The following NEK11 variants were observed in gnomAD, a reference collection of about 807,000 sequenced individuals.
The protein encoded by NEK11 is serine/threonine-protein kinase Nek11.
Under a neutral mutation model 80.7 loss-of-function variants are expected in NEK11, and 72 were observed. The observed-to-expected ratio is 0.89, with a 90% CI of 0.74 to 1.08. The LOEUF (loss-of-function observed/expected upper bound fraction) is 1.08, where lower values mean the gene tolerates loss of function less well. Among genes scored for constraint, NEK11 ranks in the 50% least tolerant of loss-of-function variants. The pLI is 0.00. For synonymous variants in NEK11, 251 were observed against 260.7 expected, an observed-to-expected ratio of 0.96 and a Z score of 0.36; for missense variants, 764 against 763.6, an observed-to-expected ratio of 1.00 and a Z score of -0.01.
At chr3:131,187,281 T>C (rs2093636531) in intron 14 of NEK11, among the ~76,000 whole-genome samples, 1 of 152,198 alleles carries the variant, frequency 6.6e-6, no homozygotes, top group African/African-American at 2.4e-5. Flanking sequence ...AGCATACTTC[T>C]AGAACATTGC....
intron 14 of NEK11, among the ~76,000 whole-genome samples, chr3:131,203,991 A>G (rs1451605850): frequency 6.6e-6 from 1 of 151,612 alleles, no homozygotes; most frequent in Non-Finnish European, 1.5e-5. Flanking sequence ...GTCCTGTTTC[A>G]TTCCCTGGAG....
intron 5 of NEK11, among the ~76,000 whole-genome samples, chr3:131,113,193 A>T (rs2080413434): frequency 6.6e-6 from 1 of 152,160 alleles, no homozygotes; most frequent in African/African-American, 2.4e-5. Context: ...TTGTGCCTGG[A>T]TGAATGAGAA....
At chr3:131,276,314 A>G (rs530414553) in intron 17 of NEK11, among the ~76,000 whole-genome samples, 123 of 152,316 alleles carry the variant, frequency 8.1e-4, no homozygotes, top group Non-Finnish European at 1.5e-3. Context: ...TGTAGAAAGG[A>G]GGAGGAAGGA....
At chr3:131,183,649 T>G (rs1579758360) in intron 14 of NEK11, among the ~76,000 whole-genome samples, 1 of 152,216 alleles carries the variant, frequency 6.6e-6, no homozygotes. Flanking sequence ...TATTCCATGG[T>G]GTATATGTAT....
At chr3:131,147,742 G>A (rs1489734677) in intron 7 of NEK11, among the ~76,000 whole-genome samples, 1 of 151,992 alleles carries the variant, frequency 6.6e-6, no homozygotes, top group Non-Finnish European at 1.5e-5. Context: ...AATTCTAACA[G>A]TTTGTCAGGT....
chr3:131,122,636 C>T (rs1560513955), intron 5 of NEK11, among the ~76,000 whole-genome samples: 3 of 152,176 alleles, frequency 2.0e-5, no homozygotes, highest in Admixed American at 6.5e-5. Context: ...CCCTGAGAAC[C>T]TGCTAGATGA....
At chr3:131,054,331 A>G (rs2068964750) in intron 3 of NEK11, 1 of 150,806 alleles carries the variant, frequency 6.6e-6, no homozygotes, top group Non-Finnish European at 1.5e-5. Context: ...GTCTCAAAGA[A>G]AAAAAAAAAG....
intron 14 of NEK11, among the ~76,000 whole-genome samples, chr3:131,217,834 A>G (rs2094893673): frequency 6.6e-6 from 1 of 152,200 alleles, no homozygotes; most frequent in South Asian, 2.1e-4. Flanking sequence ...GAATCTTTCT[A>G]CCTACTAAAT....
chr3:131,158,173 G>C (rs1461629639), intron 10 of NEK11, among the ~76,000 whole-genome samples: 2 of 152,028 alleles, frequency 1.3e-5, no homozygotes, highest in Non-Finnish European at 2.9e-5. Context: ...GGGTGTCTTG[G>C]GGGTCTACAT....
intron 3 of NEK11, among the ~76,000 whole-genome samples, chr3:131,071,709 G>A (rs9862411): frequency 0.91 from 138,303 of 152,108 alleles, 63,407 homozygotes; most frequent in Non-Finnish European, 0.95. Flanking sequence ...TTAGTCATTT[G>A]TCCCCCAGTT....
chr3:131,299,117 G>C (rs1486507204), intron 17 of NEK11, among the ~76,000 whole-genome samples: 2 of 151,922 alleles, frequency 1.3e-5, no homozygotes, highest in East Asian at 3.9e-4. Flanking sequence ...TACATGTGCA[G>C]GTTTGTTATA....
intron 15 of NEK11, among the ~76,000 whole-genome samples, chr3:131,242,618 A>G (rs1448659551): frequency 6.6e-6 from 1 of 152,128 alleles, no homozygotes; most frequent in Non-Finnish European, 1.5e-5. Flanking sequence ...GGGTTTGACC[A>G]TGTTGGCCAG....
intron 3 of NEK11, among the ~76,000 whole-genome samples, chr3:131,030,946 C>T (rs1338570773): frequency 6.6e-6 from 1 of 152,132 alleles, no homozygotes; most frequent in African/African-American, 2.4e-5. Flanking sequence ...AAGAATGATC[C>T]AAGATATCAG....
chr3:131,145,511 C>T (rs2087989510), intron 7 of NEK11, among the ~76,000 whole-genome samples: 1 of 152,046 alleles, frequency 6.6e-6, no homozygotes, highest in Admixed American at 6.5e-5. Context: ...TGGTGTGACG[C>T]CCTGCATAGC....
At chr3:131,184,892 C>T (rs2093533983) in intron 14 of NEK11, 2 of 307,312 alleles carry the variant, frequency 6.5e-6, no homozygotes, top group Non-Finnish European at 1.2e-5. Context: ...ATGGTTTGTT[C>T]TTCTGCAGTA....
At chr3:131,346,750 A>G (rs1003532841) in intron 17 of NEK11, among the ~76,000 whole-genome samples, 1 of 152,156 alleles carries the variant, frequency 6.6e-6, no homozygotes, top group Non-Finnish European at 1.5e-5. Context: ...GAAGTGGAAG[A>G]TTAGCTGGTA....
chr3:131,128,284 C>T (rs2083725293), intron 5 of NEK11, among the ~76,000 whole-genome samples: 1 of 152,224 alleles, frequency 6.6e-6, no homozygotes, highest in South Asian at 2.1e-4. Flanking sequence ...TGTTGCATGG[C>T]CCTAAAAATT....
chr3:131,043,623 C>A (rs188586373), intron 3 of NEK11, among the ~76,000 whole-genome samples: 23 of 152,166 alleles, frequency 1.5e-4, no homozygotes, highest in Admixed American at 9.8e-4. Context: ...GTGAACAGAC[C>A]AAATCTACAT....
chr3:131,179,434 CAT>C (rs1158446704), intron 14 of NEK11, among the ~76,000 whole-genome samples: 1 of 152,130 alleles, frequency 6.6e-6, no homozygotes, highest in Non-Finnish European at 1.5e-5. Context: ...TTGCACAACT[CAT>C]AGTCATGACA....
Sources: gnomAD v4.1 joint callset for allele counts (sites outside exome capture counted in the v4.1 genomes callset) on GRCh38, gnomAD v4.1.1 for gene constraint, MANE v1.5 for transcripts, NCBI Gene and HGNC (gene_info 2026-07-23, HGNC 2026-07-21) for gene names.